Variants in FOXP1 observed in about 807,000 individuals in gnomAD.
FOXP1 encodes forkhead box P1, also known as forkhead box protein P1.
Under a neutral mutation model 98.2 loss-of-function variants are expected in FOXP1, and 15 were observed. That is an observed-to-expected ratio of 0.15 (90% CI 0.10 to 0.24). The LOEUF is 0.24. Ranked by LOEUF, FOXP1 falls within the 10% of genes least tolerant of loss-of-function variation. The probability of loss-of-function intolerance (pLI) is 1.00; values close to 1 mark genes in which losing one functional copy is unlikely to be tolerated. For missense variants in FOXP1, 633 were observed against 848.5 expected (o/e 0.75, Z 3.15); for synonymous variants, 371 against 314.5 (o/e 1.18, Z -1.90).
chr3:71,443,228 A>T (rs559714653), intron 3 of FOXP1, among the ~76,000 whole-genome samples: 1 of 152,298 alleles, frequency 6.6e-6, no homozygotes, highest in Admixed American at 6.5e-5. Context: ...CAATAATTGT[A>T]TGTATTCATG....
At chr3:71,374,300 A>G (rs1015311500) in intron 3 of FOXP1, among the ~76,000 whole-genome samples, 1 of 152,188 alleles carries the variant, frequency 6.6e-6, no homozygotes, top group Non-Finnish European at 1.5e-5. Context: ...CATTCTATAA[A>G]ACCTACATCT....
At chr3:71,306,817 G>A (rs190047011) in intron 4 of FOXP1, among the ~76,000 whole-genome samples, 138 of 152,194 alleles carry the variant, frequency 9.1e-4, no homozygotes, top group Non-Finnish European at 2.1e-4. Flanking sequence ...TTAACTGAGT[G>A]GCCTCAACCA....
At chr3:71,016,690 C>CACAT (rs972065521) in intron 11 of FOXP1, among the ~76,000 whole-genome samples, 1 of 149,870 alleles carries the variant, frequency 6.7e-6, no homozygotes, top group African/African-American at 2.5e-5. Flanking sequence ...CACACACACA[C>CACAT]ATGCATACAC....
intron 5 of FOXP1, among the ~76,000 whole-genome samples, chr3:71,266,628 C>T (rs2069694232): frequency 6.6e-6 from 1 of 152,050 alleles, no homozygotes; most frequent in African/African-American, 2.4e-5. Flanking sequence ...AGGTTTGTTG[C>T]ATAGATTTAT....
intron 2 of FOXP1, chr3:71,580,688 G>T: frequency 1.6e-6 from 1 of 610,148 alleles, no homozygotes; most frequent in Non-Finnish European, 2.1e-6. Context: ...GGGGGAAAGG[G>T]GATGGAATGG....
At chr3:71,407,928 A>G (rs981218726) in intron 3 of FOXP1, among the ~76,000 whole-genome samples, 1 of 152,144 alleles carries the variant, frequency 6.6e-6, no homozygotes, top group Non-Finnish European at 1.5e-5. Context: ...CAGCCTGTGT[A>G]CGTCCCATTC....
chr3:71,279,271 A>G (rs1447316533), intron 5 of FOXP1, among the ~76,000 whole-genome samples: 1 of 152,170 alleles, frequency 6.6e-6, no homozygotes, highest in East Asian at 1.9e-4. Flanking sequence ...ATAAATCAAT[A>G]CATGTTTATC....
At chr3:71,208,536 T>TGTGTGTGTGTGTGTGTGTG (rs2064212586) in intron 5 of FOXP1, among the ~76,000 whole-genome samples, 4 of 149,346 alleles carry the variant, frequency 2.7e-5, no homozygotes, top group Non-Finnish European at 5.9e-5. Context: ...GCATTTAAGT[T>TGTGTGTGTGTGTGTGTGTG]TGTGTGTGTG....
intron 3 of FOXP1, among the ~76,000 whole-genome samples, chr3:71,380,700 T>C (rs932470614): frequency 2.2e-4 from 31 of 141,968 alleles, no homozygotes; most frequent in African/African-American, 8.6e-4. Flanking sequence ...TTTTAGACAT[T>C]TTTTTTTTTT....
intron 3 of FOXP1, among the ~76,000 whole-genome samples, chr3:71,409,974 C>T (rs966440063): frequency 2.6e-5 from 4 of 152,134 alleles, no homozygotes; most frequent in African/African-American, 9.7e-5. Flanking sequence ...GTGATCACAC[C>T]ACTGCACTCC....
At chr3:71,344,827 C>T (rs763721834) in intron 4 of FOXP1, among the ~76,000 whole-genome samples, 8 of 128,128 alleles carry the variant, frequency 6.2e-5, no homozygotes, top group South Asian at 2.7e-4. Flanking sequence ...AGCGAGAGTC[C>T]GTCTCAATTA....
intron 11 of FOXP1, among the ~76,000 whole-genome samples, chr3:71,037,553 C>T (rs559112526): frequency 4.6e-5 from 7 of 152,326 alleles, no homozygotes; most frequent in Non-Finnish European, 5.9e-5. Flanking sequence ...GGCTTGAATG[C>T]ACCTGCTTCC....
intron 5 of FOXP1, among the ~76,000 whole-genome samples, chr3:71,206,823 TG>T (rs1284421135): frequency 6.6e-6 from 1 of 152,198 alleles, no homozygotes; most frequent in Non-Finnish European, 1.5e-5. Context: ...TCAGCTCTGG[TG>T]GGTCTTGGTT....
rs2034465590 is a variant in FOXP1, at chr3:70,965,119, T to G, written c.1889+771A>C. ...GAGACTGTCATCCCACAGCATCTCC[T>G]GCAAAGCCAATCATTTGGAATAATG... is the stretch of plus-strand genomic sequence containing the variant. On this transcript the variant is annotated intron_variant, in intron 20 of 20. Coordinates refer to ENST00000649528, the MANE Select transcript of FOXP1 (RefSeq NM_001349338.3). Among the ~76,000 whole-genome samples the G allele has an allele frequency of 2.0e-5, 3 of 152,232 alleles. 1 individual carries two copies. The South Asian group carries it at 6.2e-4, about 31-fold the overall frequency.
intron 2 of FOXP1, among the ~76,000 whole-genome samples, chr3:71,543,184 C>G (rs910177490): frequency 1.3e-5 from 2 of 152,200 alleles, no homozygotes; most frequent in Non-Finnish European, 2.9e-5. Flanking sequence ...TTATTGAAAA[C>G]TGGCAGTCGC....
At chr3:71,370,951 G>A (rs573513640) in intron 3 of FOXP1, among the ~76,000 whole-genome samples, 98 of 151,904 alleles carry the variant, frequency 6.5e-4, no homozygotes, top group African/African-American at 2.1e-3. Context: ...ACAGGCACAC[G>A]CCACGACGCC....
intron 6 of FOXP1, among the ~76,000 whole-genome samples, chr3:71,189,186 C>G (rs1310631967): frequency 6.6e-6 from 1 of 152,158 alleles, no homozygotes; most frequent in African/African-American, 2.4e-5. Flanking sequence ...AAAAGAAACA[C>G]AACATACGCT....
At chr3:71,062,945 T>G (rs768916785) in intron 7 of FOXP1, among the ~76,000 whole-genome samples, 35 of 152,238 alleles carry the variant, frequency 2.3e-4, no homozygotes, top group Non-Finnish European at 4.4e-4. Flanking sequence ...TATTTGCATC[T>G]TCTTAATATT....
chr3:70,972,288 A>C, intron 18 of FOXP1: 1 of 1,075,606 alleles, frequency 9.3e-7, no homozygotes, highest in South Asian at 1.6e-5. Flanking sequence ...AATAAAATGC[A>C]ATAAGCATAA....
Sources: gnomAD v4.1 joint callset for allele counts (sites outside exome capture counted in the v4.1 genomes callset) on GRCh38, gnomAD v4.1.1 for gene constraint, MANE v1.5 for transcripts, NCBI Gene and HGNC (gene_info 2026-07-23, HGNC 2026-07-21) for gene names.